ARK2C: variants seen among roughly 807,000 people sequenced by gnomAD.
ARK2C encodes arkadia (RNF111) C-terminal like ring finger ubiquitin ligase 2C.
At chr18:46,372,827 C>T in the ARK2C span, among the ~76,000 whole-genome samples, 11 of 152,244 alleles carry the variant, frequency 7.2e-5, no homozygotes, top group South Asian at 2.1e-4. Flanking sequence ...AACCACACTG[C>T]GGTGCTATTA....
the ARK2C span, chr18:46,458,257 G>A: frequency 6.6e-6 from 1 of 152,620 alleles, no homozygotes; most frequent in African/African-American, 2.4e-5. Flanking sequence ...AGGGAGCAGA[G>A]AGATAAGAGG....
the ARK2C span, among the ~76,000 whole-genome samples, chr18:46,450,038 A>G: frequency 6.6e-6 from 1 of 152,346 alleles, no homozygotes. Flanking sequence ...TAATTCAATT[A>G]GTCACGTTAA....
chr18:46,457,004 C>T, the ARK2C span: 1 of 230,768 alleles, frequency 4.3e-6, no homozygotes. Flanking sequence ...ATATACCTCT[C>T]GACCACGTAG....
the ARK2C span, among the ~76,000 whole-genome samples, chr18:46,398,371 T>A: frequency 1.3e-5 from 2 of 151,806 alleles, no homozygotes; most frequent in Non-Finnish European, 2.9e-5. Context: ...AGGTGTTGGA[T>A]GGCAAGTGAA....
the ARK2C span, chr18:46,447,838 T>A: frequency 1.1e-6 from 1 of 916,832 alleles, no homozygotes; most frequent in Non-Finnish European, 1.8e-6. Flanking sequence ...ATGACCCAGC[T>A]CACCTGTGTA....
At chr18:46,334,758 C>A in the ARK2C span, 1 of 305,028 alleles carries the variant, frequency 3.3e-6, no homozygotes, top group Non-Finnish European at 5.8e-6. This position sits in a 1 kb window ranked among gnomAD's most constrained non-coding sequence, Gnocchi z 4.4. Flanking sequence ...GCTTGGTTTT[C>A]TGTGGTTTGC....
chr18:46,405,902 C>T, the ARK2C span, among the ~76,000 whole-genome samples: 2 of 152,078 alleles, frequency 1.3e-5, no homozygotes, highest in African/African-American at 4.8e-5. Flanking sequence ...GCAGGACCCA[C>T]ACTCCCTTCC....
chr18:46,366,250 C>T, the ARK2C span, among the ~76,000 whole-genome samples: 1 of 143,320 alleles, frequency 7.0e-6, no homozygotes. Flanking sequence ...CAAGATCACG[C>T]CAGTGCACTC....
chr18:46,404,290 C>T, the ARK2C span, among the ~76,000 whole-genome samples: 1 of 152,152 alleles, frequency 6.6e-6, no homozygotes, highest in Non-Finnish European at 1.5e-5. Context: ...TGCTGGATGG[C>T]TCGCTTCCTC....
the ARK2C span, among the ~76,000 whole-genome samples, chr18:46,420,890 T>C: frequency 6.6e-6 from 1 of 152,136 alleles, no homozygotes; most frequent in East Asian, 1.9e-4. Context: ...AGATTTGCTT[T>C]TCTGCTTTTA....
the ARK2C span, among the ~76,000 whole-genome samples, chr18:46,352,958 G>A: frequency 2.6e-4 from 39 of 152,180 alleles, no homozygotes; most frequent in Admixed American, 3.9e-4. Flanking sequence ...TACCCTTCTT[G>A]CATTAGTGGC....
chr18:46,419,044 G>A, the ARK2C span, among the ~76,000 whole-genome samples: 13 of 152,306 alleles, frequency 8.5e-5, no homozygotes, highest in East Asian at 2.5e-3. Flanking sequence ...TGGCTCTAGT[G>A]GGAACGCTAT....
the ARK2C span, among the ~76,000 whole-genome samples, chr18:46,440,233 G>A: frequency 6.6e-6 from 1 of 152,088 alleles, no homozygotes; most frequent in Non-Finnish European, 1.5e-5. Context: ...AGTTACCCAT[G>A]TAAACCACGG....
At chr18:46,349,207 A>G in the ARK2C span, among the ~76,000 whole-genome samples, 1 of 152,146 alleles carries the variant, frequency 6.6e-6, no homozygotes, top group African/African-American at 2.4e-5. Context: ...AAAATGCCAT[A>G]GACTGGGTGG....
chr18:46,359,722 C>T, the ARK2C span, among the ~76,000 whole-genome samples: 1 of 152,138 alleles, frequency 6.6e-6, no homozygotes, highest in African/African-American at 2.4e-5. Context: ...TGGCAAAGAC[C>T]CAGGCTCCTT....
At chr18:46,380,261 A>G in the ARK2C span, among the ~76,000 whole-genome samples, 2 of 152,290 alleles carry the variant, frequency 1.3e-5, no homozygotes, top group South Asian at 2.1e-4. Flanking sequence ...GCTGGTGCAG[A>G]ACCTGGGCTG....
chr18:46,412,511 C>T, the ARK2C span, among the ~76,000 whole-genome samples: 2 of 152,250 alleles, frequency 1.3e-5, no homozygotes, highest in African/African-American at 2.4e-5. Context: ...GAGCCTCATA[C>T]TGAGTGCAGC....
At chr18:46,371,997 C>T in the ARK2C span, among the ~76,000 whole-genome samples, 1 of 152,242 alleles carries the variant, frequency 6.6e-6, no homozygotes, top group African/African-American at 2.4e-5. Context: ...CTTCCGAGAG[C>T]TGACTGTAGG....
the ARK2C span, among the ~76,000 whole-genome samples, chr18:46,383,201 C>T: frequency 6.6e-6 from 1 of 152,208 alleles, no homozygotes; most frequent in South Asian, 2.1e-4. Flanking sequence ...GCCCCTCCCA[C>T]CCAGGGGAGG....
Sources: gnomAD v4.1 joint callset for allele counts (sites outside exome capture counted in the v4.1 genomes callset) on GRCh38, gnomAD v4.1.1 for gene constraint, Gnocchi (gnomAD v3.1) non-coding constraint, MANE v1.5 for transcripts, NCBI Gene and HGNC (gene_info 2026-07-23, HGNC 2026-07-21) for gene names.